The following DEFB119 variants were observed in gnomAD, a reference collection of about 807,000 sequenced individuals.
DEFB119 encodes the protein defensin beta 119.
Under a neutral mutation model 2.5 loss-of-function variants are expected in DEFB119, and 3 were observed. That is an observed-to-expected ratio of 1.19 (90% CI 0.54 to 3.07). The LOEUF is 3.07. DEFB119 is among the 30% of genes most tolerant of loss of function. The probability of loss-of-function intolerance (pLI) is 0.03; values close to 1 mark genes in which losing one functional copy is unlikely to be tolerated. For synonymous variants in DEFB119, 29 were observed against 33.7 expected (o/e 0.86, Z 0.48); for missense variants, 113 against 101.1 (o/e 1.12, Z -0.50).
chr20:31,378,773 C>T (rs1178143063), intron 1 of DEFB119, among the ~76,000 whole-genome samples: 2 of 151,900 alleles, frequency 1.3e-5, no homozygotes, highest in Non-Finnish European at 2.9e-5. Context: ...AAATCCCTAT[C>T]GTTTATAAAT....
At chr20:31,383,233 T>C (rs968826053) in intron 1 of DEFB119, among the ~76,000 whole-genome samples, 2 of 152,054 alleles carry the variant, frequency 1.3e-5, no homozygotes, top group Non-Finnish European at 2.9e-5. Flanking sequence ...GTGCTGTTCT[T>C]GGGATAGTGA....
intron 1 of DEFB119, among the ~76,000 whole-genome samples, chr20:31,381,045 T>G (rs1986487205): frequency 6.6e-6 from 1 of 152,340 alleles, no homozygotes; most frequent in Non-Finnish European, 1.5e-5. Context: ...TCTTACAAGA[T>G]AGGAAGATGG....
chr20:31,385,374 C>CAAAAAAAAAAAAAAAAAAAAAAAAAAAAA (rs539118665), intron 1 of DEFB119, among the ~76,000 whole-genome samples: 2 of 115,802 alleles, frequency 1.7e-5, no homozygotes, highest in Non-Finnish European at 3.4e-5. Flanking sequence ...TAACAAAAGA[C>CAAAAAAAAAAAAAAAAAAAAAAAAAAAAA]AAAAAAAAAA....
At chr20:31,387,747 A>G (rs1485760367) in intron 1 of DEFB119, among the ~76,000 whole-genome samples, 1 of 152,136 alleles carries the variant, frequency 6.6e-6, no homozygotes, top group African/African-American at 2.4e-5. Context: ...AAGCAGGCAC[A>G]AGGTTTCTCT....
chr20:31,377,444 C>G lies in DEFB119; in HGVS notation c.62-5G>C. The G allele has an allele frequency of 6.3e-7, 1 of 1,593,962 alleles. No homozygotes were observed. Among genetic ancestry groups the G allele is most frequent in the Non-Finnish European group, 8.5e-7 (1 of 1,172,392 alleles). On this transcript the variant is annotated splice_polypyrimidine_tract_variant and splice_region_variant and intron_variant, in intron 1 of 1. Coordinates refer to ENST00000376321, the MANE Select transcript of DEFB119 (RefSeq NM_153289.4). ...ATCGAAGGATGTGGCGTTTGCCTGC[C>G]AAAGGAAAAAAAATACAAATAGTTA...
At chr20:31,382,705 A>C (rs1986544437) in intron 1 of DEFB119, among the ~76,000 whole-genome samples, 1 of 152,208 alleles carries the variant, frequency 6.6e-6, no homozygotes, top group African/African-American at 2.4e-5. Flanking sequence ...AGATCCACTC[A>C]TGCTTTCACT....
chr20:31,382,871 G>A (rs1276936043), intron 1 of DEFB119, among the ~76,000 whole-genome samples: 4 of 152,174 alleles, frequency 2.6e-5, no homozygotes, highest in Non-Finnish European at 4.4e-5. Flanking sequence ...TGATGGAAAG[G>A]GGACAATAAT....
At chr20:31,381,770 C>A (rs1381856707) in intron 1 of DEFB119, among the ~76,000 whole-genome samples, 1 of 151,822 alleles carries the variant, frequency 6.6e-6, no homozygotes, top group Admixed American at 6.6e-5. Context: ...AAGATCACAC[C>A]ACTGCACTCC....
At chr20:31,387,040 G>C (rs1264760986) in intron 1 of DEFB119, among the ~76,000 whole-genome samples, 1 of 151,938 alleles carries the variant, frequency 6.6e-6, no homozygotes, top group African/African-American at 2.4e-5. Flanking sequence ...TACTGACCTC[G>C]TGGTGATCCA....
intron 1 of DEFB119, among the ~76,000 whole-genome samples, chr20:31,377,765 C>T (rs1056032526): frequency 6.6e-6 from 1 of 152,034 alleles, no homozygotes. Flanking sequence ...TTTGCCTCAT[C>T]GATTCCAGAC....
At chr20:31,386,408 T>C (rs1986705590) in intron 1 of DEFB119, among the ~76,000 whole-genome samples, 1 of 152,066 alleles carries the variant, frequency 6.6e-6, no homozygotes. Context: ...GAAAAATAGA[T>C]TGTGAACCTA....
intron 1 of DEFB119, among the ~76,000 whole-genome samples, chr20:31,384,792 GA>G (rs1484236402): frequency 6.6e-6 from 1 of 152,124 alleles, no homozygotes; most frequent in African/African-American, 2.4e-5. Context: ...CTAATGTTCA[GA>G]AACAGTTTTT....
intron 1 of DEFB119, among the ~76,000 whole-genome samples, chr20:31,387,036 C>T (rs540676101): frequency 6.6e-6 from 1 of 152,002 alleles, no homozygotes; most frequent in Admixed American, 6.5e-5. Context: ...AAACTACTGA[C>T]CTCGTGGTGA....
In DEFB119 at chr20:31,390,477, G is replaced by C. The variant is rs750119619; in HGVS notation, c.7C>G (p.Leu3Val). ...AGGATGGCAAGAAACAGGTAAAGAAGTTTCATGGCTGGCAGACCTGAGAGG... is the reference window on the plus strand; with the variant it reads ...AGGATGGCAAGAAACAGGTAAAGAACTTTCATGGCTGGCAGACCTGAGAGG... MK[L>V]LYLFLAILLA... Residue 3 changes from leucine to valine, a missense_variant, in exon 1 of 2, where the codon CTT (leucine) becomes GTT (valine). Transcript: ENST00000376321. 8 of 1,613,304 alleles carry C rather than the reference G, an allele frequency of 5.0e-6. No individual in the cohort carries two copies. The highest frequency in any genetic ancestry group is 5.9e-6 in the Non-Finnish European group (7 of 1,179,722).
intron 1 of DEFB119, among the ~76,000 whole-genome samples, chr20:31,387,256 T>A (rs1986742158): frequency 2.0e-5 from 3 of 152,208 alleles, no homozygotes; most frequent in African/African-American, 7.2e-5. Flanking sequence ...CTGTACACCA[T>A]AAATATGTGC....
intron 1 of DEFB119, among the ~76,000 whole-genome samples, chr20:31,389,781 A>T (rs999932963): frequency 6.6e-6 from 1 of 151,936 alleles, no homozygotes; most frequent in Non-Finnish European, 1.5e-5. Flanking sequence ...GCCTTACTCA[A>T]CTCAATGCCC....
intron 1 of DEFB119, among the ~76,000 whole-genome samples, chr20:31,381,051 G>A (rs1468216262): frequency 2.6e-5 from 4 of 152,176 alleles, no homozygotes; most frequent in Admixed American, 1.3e-4. Flanking sequence ...AAGATAGGAA[G>A]ATGGTGTGCC....
At position 31,389,279 on chromosome 20, in the gene DEFB119, C is replaced by A. The variant is rs373696918; in HGVS notation, c.61+1144G>T. 6.8e-6 allele frequency: 11 copies of A among 1,610,384 alleles called. No individual in the cohort carries two copies. The African/African-American group carries it at 1.5e-4, about 21-fold the overall frequency. On this transcript the variant is annotated intron_variant, in intron 1 of 1. Transcript: ENST00000376321. ...TAAGCAGATGTTAGTATCCCTCAAG[C>A]GGAGAGAAAAGACAAGGCAGAGGAG...
At position 31,377,419 on chromosome 20, in the gene DEFB119, A is replaced by G. The variant is rs748421133; in HGVS notation, c.82T>C (p.Cys28Arg). The G allele has an allele frequency of 6.2e-7, 1 of 1,613,134 alleles. No homozygotes were observed. The highest frequency in any genetic ancestry group is 1.1e-5 in the South Asian group (1 of 90,822). Residue 28 changes from cysteine (C) to arginine (R), a missense_variant, in exon 2 of 2, where the codon TGC becomes CGC. By Grantham distance (180) the Cys-to-Arg change is radical. Transcript: ENST00000376321. ...CTACAAATTCCACTGTTACCCATGCATCGAAGGATGTGGCGTTTGCCTGCC... is the reference window on the plus strand; with the variant it reads ...CTACAAATTCCACTGTTACCCATGCGTCGAAGGATGTGGCGTTTGCCTGCC... The part of the protein sequence containing the change: ...VISGKRHILR[C>R]MGNSGICRAS...
Sources: allele counts gnomAD v4.1 joint callset (sites outside exome capture counted in the v4.1 genomes callset), GRCh38; gene constraint gnomAD v4.1.1; transcripts MANE v1.5; gene names NCBI Gene and HGNC (gene_info 2026-07-23, HGNC 2026-07-21).